STXBP5L: variants seen among roughly 807,000 people sequenced by gnomAD.
The protein encoded by STXBP5L is syntaxin-binding protein 5-like.
STXBP5L carries 65 observed loss-of-function variants against 144.5 expected under a neutral mutation model. The ratio of observed to expected loss-of-function variants is 0.45; its 90% CI spans 0.37 to 0.55. The LOEUF is 0.55. Among genes scored for constraint, STXBP5L ranks in the 20% least tolerant of loss-of-function variants. STXBP5L has a pLI of 0.00. For synonymous variants in STXBP5L, 505 were observed against 469.6 expected, an observed-to-expected ratio of 1.08 and a Z score of -0.97; for missense variants, 1,298 against 1,405.5, an observed-to-expected ratio of 0.92 and a Z score of 1.22.
intron 3 of STXBP5L, among the ~76,000 whole-genome samples, chr3:120,958,555 C>T (rs1477670399): frequency 1.3e-5 from 2 of 152,190 alleles, no homozygotes; most frequent in African/African-American, 2.4e-5. Flanking sequence ...GCTTATCCAC[C>T]ATGATCAAGT....
chr3:121,333,283 C>T (rs1488828717), intron 20 of STXBP5L, among the ~76,000 whole-genome samples: 1 of 151,912 alleles, frequency 6.6e-6, no homozygotes, highest in Non-Finnish European at 1.5e-5. Context: ...TTAAAATATA[C>T]AGAATGAAAT....
chr3:121,157,988 G>A (rs1049352012), intron 9 of STXBP5L: 2 of 176,084 alleles, frequency 1.1e-5, no homozygotes, highest in African/African-American at 4.8e-5. Flanking sequence ...GACTTTCAGA[G>A]TTAATTCCTA....
chr3:121,382,811 C>T (rs887665296), intron 22 of STXBP5L, among the ~76,000 whole-genome samples: 3 of 152,102 alleles, frequency 2.0e-5, no homozygotes, highest in East Asian at 1.9e-4. Flanking sequence ...AGCACATATA[C>T]TTAGACCAAA....
chr3:121,091,694 G>T (rs75027403), intron 5 of STXBP5L, among the ~76,000 whole-genome samples: 64,505 of 151,878 alleles, frequency 0.42, 13,886 homozygotes, highest in African/African-American at 0.45. Context: ...CAGATGAGTA[G>T]GTTGCGAAAA....
At chr3:121,221,762 G>A (rs1190593886) in intron 10 of STXBP5L, among the ~76,000 whole-genome samples, 4 of 151,548 alleles carry the variant, frequency 2.6e-5, no homozygotes, top group African/African-American at 9.7e-5. Context: ...ATAAGTTAGA[G>A]TATTTTTGTT....
intron 14 of STXBP5L, among the ~76,000 whole-genome samples, chr3:121,243,542 C>CA (rs112243588): frequency 0.17 from 22,574 of 131,698 alleles, 1,806 homozygotes; most frequent in Non-Finnish European, 0.2. Context: ...ATCAAAGAGA[C>CA]AAAAAAAAAA....
chr3:121,190,713 C>G (rs2047622336), intron 9 of STXBP5L, among the ~76,000 whole-genome samples: 1 of 151,386 alleles, frequency 6.6e-6, no homozygotes, highest in Non-Finnish European at 1.5e-5. Context: ...GGGCGGCTGG[C>G]CGGGCGGGGG....
chr3:121,185,713 G>C (rs2047349663), intron 9 of STXBP5L, among the ~76,000 whole-genome samples: 1 of 152,194 alleles, frequency 6.6e-6, no homozygotes, highest in Non-Finnish European at 1.5e-5. Context: ...TTGTAGCATA[G>C]TTCAAAGTCA....
At chr3:121,285,846 G>C (rs961461439) in intron 19 of STXBP5L, among the ~76,000 whole-genome samples, 5 of 151,670 alleles carry the variant, frequency 3.3e-5, no homozygotes, top group Admixed American at 6.6e-5. Flanking sequence ...ACTTTTCTGG[G>C]TTAATGTTAA....
intron 3 of STXBP5L, among the ~76,000 whole-genome samples, chr3:121,003,418 T>A (rs185485520): frequency 1.6e-3 from 250 of 151,998 alleles, no homozygotes; most frequent in South Asian, 3.5e-3. Flanking sequence ...TTTCTTGTAA[T>A]TTTGTTTGAG....
intron 10 of STXBP5L, among the ~76,000 whole-genome samples, chr3:121,211,155 T>A (rs998187267): frequency 3.3e-5 from 5 of 152,210 alleles, no homozygotes; most frequent in Admixed American, 6.5e-5. Flanking sequence ...ACATCCCTTG[T>A]AAGTTGGATT....
In STXBP5L at chr3:121,303,344, G is replaced by T. The variant is rs565178463; in HGVS notation, c.2111-15131G>T. Among the ~76,000 whole-genome samples the T allele has an allele frequency of 1.3e-4, 20 of 152,078 alleles. No individual in the cohort carries two copies. The South Asian group carries it at 3.9e-3, about 30-fold the overall frequency. On this transcript the variant is annotated intron_variant, in intron 19 of 26. Transcript: ENST00000471454. ...CACAATGAGATACCATCTCACACCAGTTAGAATGGCAATCATTAAAAAGTC... is the reference window on the plus strand; with the variant it reads ...CACAATGAGATACCATCTCACACCATTTAGAATGGCAATCATTAAAAAGTC...
At chr3:121,262,089 A>G (rs967496692) in intron 18 of STXBP5L, among the ~76,000 whole-genome samples, 1 of 152,148 alleles carries the variant, frequency 6.6e-6, no homozygotes. Flanking sequence ...AATTCCATTC[A>G]TAATGGCGGA....
At chr3:121,064,993 G>A (rs1054741323) in intron 5 of STXBP5L, among the ~76,000 whole-genome samples, 23 of 152,036 alleles carry the variant, frequency 1.5e-4, no homozygotes, top group Non-Finnish European at 3.1e-4. Context: ...AGAACATATA[G>A]TATTGTTTTC....
chr3:120,988,634 G>A (rs1269517857), intron 3 of STXBP5L, among the ~76,000 whole-genome samples: 2 of 152,056 alleles, frequency 1.3e-5, no homozygotes, highest in Admixed American at 6.6e-5. Flanking sequence ...GGTTGATTGT[G>A]TTGTTGAGTT....
chr3:121,336,893 A>T (rs1211205568), intron 20 of STXBP5L, among the ~76,000 whole-genome samples: 1 of 152,246 alleles, frequency 6.6e-6, no homozygotes, highest in African/African-American at 2.4e-5. Context: ...AATATGGTAC[A>T]TATACACCAT....
intron 22 of STXBP5L, among the ~76,000 whole-genome samples, chr3:121,391,970 A>G (rs1188565257): frequency 2.0e-5 from 3 of 152,176 alleles, no homozygotes; most frequent in African/African-American, 7.2e-5. Context: ...AGTCTGCAGA[A>G]GTTGTCTGCT....
intron 5 of STXBP5L, among the ~76,000 whole-genome samples, chr3:121,055,481 T>C (rs1370168254): frequency 6.6e-6 from 1 of 152,180 alleles, no homozygotes; most frequent in Non-Finnish European, 1.5e-5. Context: ...GATTGTTAAG[T>C]AATAGGCTTT....
chr3:121,033,480 G>A (rs1193099686), intron 3 of STXBP5L, among the ~76,000 whole-genome samples: 3 of 139,916 alleles, frequency 2.1e-5, no homozygotes, highest in Admixed American at 7.3e-5. Flanking sequence ...TAGATGACAC[G>A]TTAGTGGGTG....
Sources: gnomAD v4.1 joint callset for allele counts (sites outside exome capture counted in the v4.1 genomes callset) on GRCh38, gnomAD v4.1.1 for gene constraint, MANE v1.5 for transcripts, NCBI Gene and HGNC (gene_info 2026-07-23, HGNC 2026-07-21) for gene names.